The following SNX19 variants were observed in gnomAD, a reference collection of about 807,000 sequenced individuals.
SNX19 encodes the protein sorting nexin 19, also known as sorting nexin-19.
SNX19 carries 60 observed loss-of-function variants against 85.2 expected under a neutral mutation model. The ratio of observed to expected loss-of-function variants is 0.70; its 90% CI spans 0.57 to 0.87. The LOEUF (loss-of-function observed/expected upper bound fraction) is 0.87. Among genes scored for constraint, SNX19 ranks in the 40% least tolerant of loss-of-function variants. The pLI, the probability that SNX19 is intolerant of heterozygous loss-of-function variation, is 0.00. For missense variants in SNX19, 1,201 were observed against 1,217.8 expected (o/e 0.99, Z 0.21); for synonymous variants, 520 against 470.0 (o/e 1.11, Z -1.38).
At chr11:130,895,387 CA>C (rs1280348098) in intron 8 of SNX19, among the ~76,000 whole-genome samples, 1 of 152,184 alleles carries the variant, frequency 6.6e-6, no homozygotes, top group Non-Finnish European at 1.5e-5. Flanking sequence ...GGACTGCCTC[CA>C]GTAGAATGAC....
rs563266595 is a variant in SNX19 at position 130,872,425 on chromosome 11, G to A, written c.*5997C>T. On this transcript the variant is annotated 3_prime_UTR_variant, in exon 11 of 11. Transcript: ENST00000265909. Reference sequence around the variant, plus strand: ...TTCTGATGATTTTCACTTGTTTCACGCTTGACAATTAAAACATTCTTCTGG... The same window carrying A: ...TTCTGATGATTTTCACTTGTTTCACACTTGACAATTAAAACATTCTTCTGG... Among the ~76,000 whole-genome samples, 2 of 152,034 alleles carry A rather than the reference G, an allele frequency of 1.3e-5. No individual in the cohort carries two copies. Among genetic ancestry groups the A allele is most frequent in the South Asian group, 2.1e-4 (1 of 4,822 alleles).
chr11:130,871,104 CA>C lies in SNX19; in HGVS notation c.*7317del. On this transcript the variant is annotated 3_prime_UTR_variant, in exon 11 of 11. Coordinates refer to ENST00000265909, the MANE Select transcript of SNX19 (RefSeq NM_014758.3). ...TACCACGTGGAAGGAAGGACATGAA[CA>C]AAAAAATGAAAGCAGGAAGGAACAT... Among the ~76,000 whole-genome samples, 1 of 151,846 alleles carries C rather than the reference CA, an allele frequency of 6.6e-6. No individual in the cohort carries two copies. Among genetic ancestry groups the C allele is most frequent in the East Asian group, 1.9e-4 (1 of 5,156 alleles).
At chr11:130,880,973 G>A in intron 8 of SNX19, 167 bp from the exon 9 acceptor site, 1 of 470,744 alleles carries the variant, frequency 2.1e-6, no homozygotes, top group African/African-American at 1.9e-5. Flanking sequence ...AGGTCATGGG[G>A]GCAAAGGTAA....
chr11:130,887,396 A>G (rs539735831), intron 8 of SNX19, among the ~76,000 whole-genome samples: 58 of 152,250 alleles, frequency 3.8e-4, no homozygotes, highest in Non-Finnish European at 7.5e-4. Flanking sequence ...ATACAACTTG[A>G]GAGTTGGAAG....
Position 130,911,840 on chromosome 11 carries a change from A to G in SNX19, c.1675-69T>C. 3 of 1,520,144 alleles carry G rather than the reference A, an allele frequency of 2.0e-6. No homozygotes were observed. In the Admixed American group the frequency reaches 5.1e-5, roughly 26 times the overall value. The allele number at this position is 1,520,144 out of a possible 1,614,324, so 94.2% of individuals were successfully genotyped here. A position where few individuals can be genotyped will look rare whatever the true frequency, so the allele number is the denominator to read the frequency against. ...GCAATCTTCTATTCTGGCTTTACTG[A>G]CTACTTGGTCAATGGCCACATAGCA... On this transcript the variant is annotated intron_variant, in intron 1 of 10. Transcript: ENST00000265909.
intron 8 of SNX19, among the ~76,000 whole-genome samples, chr11:130,886,453 C>A (rs775857598): frequency 2.0e-5 from 3 of 152,002 alleles, no homozygotes; most frequent in Non-Finnish European, 4.4e-5. Flanking sequence ...TTAGGAGTTC[C>A]GAGAGAAAGT....
In SNX19 at chr11:130,914,447, AG is replaced by A. The variant is rs1946377982; in HGVS notation, c.1492del (p.Leu498CysfsTer24). On this transcript the variant is annotated frameshift_variant, in exon 1 of 11. Coordinates refer to ENST00000265909, the MANE Select transcript of SNX19 (RefSeq NM_014758.3). LOFTEE classifies it high-confidence loss of function. ...AGAGGAGGAAAGCAGAACTGGTGGC[AG>A]AGTAGGATCAAGGGAGCTCACATCA... ...TNDVSSLDPT[L>X]PPVLLSSSPP... 1 of 1,613,902 alleles carries A rather than the reference AG, an allele frequency of 6.2e-7. No homozygotes were observed. Among genetic ancestry groups the A allele is most frequent in the Non-Finnish European group, 8.5e-7 (1 of 1,179,824 alleles).
In SNX19 at chr11:130,873,568, A is replaced by C. The variant is rs1038812524; in HGVS notation, c.*4854T>G. Among the ~76,000 whole-genome samples, 1 of 152,190 alleles carries C rather than the reference A, an allele frequency of 6.6e-6. No individual in the cohort carries two copies. Among genetic ancestry groups the C allele is most frequent in the African/African-American group, 2.4e-5 (1 of 41,452 alleles). ...GTAAGACATAACCACTCTGTGCCTC[A>C]TGTTCCCCACCTAGAAAATGGGGAT... On this transcript the variant is annotated 3_prime_UTR_variant, in exon 11 of 11. Transcript: ENST00000265909.
rs11822639 is a variant in SNX19, at chr11:130,895,149, G to A, written c.2573+8106C>T. ...TGGGAGGCCCAGGTTGTGGAGGGGC[G>A]CTGCACTCTTTGGAAAGGAGAGAGC... On this transcript the variant is annotated intron_variant, in intron 8 of 10. Transcript: ENST00000265909. 2.3e-4 allele frequency: 229 copies of A among 985,422 alleles called. No individual in the cohort carries two copies. In the African/African-American group the frequency reaches 2.8e-3, roughly 12 times the overall value. The allele number at this position is 985,422 out of a possible 1,614,324, so 61.0% of individuals were successfully genotyped here.
At chr11:130,884,537 A>AAC (rs148153318) in intron 8 of SNX19, among the ~76,000 whole-genome samples, 5 of 152,054 alleles carry the variant, frequency 3.3e-5, no homozygotes, top group Non-Finnish European at 7.4e-5. Flanking sequence ...CTTCAAGGTC[A>AAC]ACACACACAC....
rs1435614617 is a variant in SNX19 at position 130,915,139 on chromosome 11, G to C, written c.801C>G (p.Ile267Met). ...GTGCTGGATCTCTGGCCTTGGAAAAGATACCCACGAGTACAAGGTGGATCC... is the reference window on the plus strand; with the variant it reads ...GTGCTGGATCTCTGGCCTTGGAAAACATACCCACGAGTACAAGGTGGATCC... ...PDWIHLVLVG[I>M]FSKARDPAPC... Residue 267 changes from isoleucine (I) to methionine (M), a missense_variant, in exon 1 of 11, where the codon ATC becomes ATG. Transcript: ENST00000265909. 1 of 1,613,800 alleles carries C rather than the reference G, an allele frequency of 6.2e-7. No homozygotes were observed. Among genetic ancestry groups the C allele is most frequent in the Non-Finnish European group, 8.5e-7 (1 of 1,179,888 alleles).
At chr11:130,878,575 A>T in intron 10 of SNX19, 21 bp from the exon 11 acceptor site, 4 of 1,610,864 alleles carry the variant, frequency 2.5e-6, no homozygotes, top group Non-Finnish European at 3.4e-6. Context: ...TGGACAAAAA[A>T]CTTAGGGTCT....
Position 130,914,235 on chromosome 11 carries a change from G to A in SNX19, c.1674+31C>T, listed in dbSNP as rs373486201. On this transcript the variant is annotated intron_variant, in intron 1 of 10. Coordinates refer to ENST00000265909, the MANE Select transcript of SNX19 (RefSeq NM_014758.3). ...TGCTTTCCAAACCCACTCCTAGCCC[G>A]GGTGAGCACCCACAGCTTTAATCCT... The A allele has an allele frequency of 6.6e-6, 10 of 1,506,418 alleles. No individual in the cohort carries two copies. The African/African-American group carries it at 8.4e-5, about 13-fold the overall frequency. 93.3% of individuals were successfully genotyped at this position (1,506,418 alleles called of 1,614,324 possible).
chr11:130,903,328 C>G lies in SNX19; in HGVS notation c.2500G>C (p.Glu834Gln), dbSNP rs79138684. Residue 834 changes from glutamate (E) to glutamine (Q), a missense_variant, in exon 8 of 11, where the codon GAA becomes CAA. Physicochemically the swap from Glu to Gln is conservative, Grantham distance 29 (BLOSUM62 2). Coordinates refer to ENST00000265909, the MANE Select transcript of SNX19 (RefSeq NM_014758.3). ...ALDLLLLLLT[E>Q]QWKWLCTENM... ...TCGGTACATAGCCATTTCCACTGTTCTGTTAGTAGCAAGAGGAGCAGATCC... is the reference window on the plus strand; with the variant it reads ...TCGGTACATAGCCATTTCCACTGTTGTGTTAGTAGCAAGAGGAGCAGATCC... The G allele has an allele frequency of 0.011, 17,258 of 1,613,640 alleles. 116 individuals carry two copies. The highest frequency in any genetic ancestry group is 0.013 in the Non-Finnish European group (15,461 of 1,179,884).
At chr11:130,884,673 C>G (rs1328886219) in intron 8 of SNX19, among the ~76,000 whole-genome samples, 1 of 151,960 alleles carries the variant, frequency 6.6e-6, no homozygotes, top group African/African-American at 2.4e-5. Context: ...TTTAGACCAG[C>G]CTGGCCAACA....
At chr11:130,903,172 G>C in intron 8 of SNX19, 83 bp downstream of exon 8, 1 of 1,571,572 alleles carries the variant, frequency 6.4e-7, no homozygotes. Context: ...TACGGCTGCA[G>C]ATTCCCTGGA....
At chr11:130,879,127 A>G (rs1943466355) in intron 10 of SNX19, among the ~76,000 whole-genome samples, 2 of 152,174 alleles carry the variant, frequency 1.3e-5, no homozygotes. Context: ...CAACCTTACT[A>G]TCTTGTCTAC....
rs1230209803 is a variant in SNX19 at position 130,871,119 on chromosome 11, A to T, written c.*7303T>A. Among the ~76,000 whole-genome samples, 1 of 152,156 alleles carries T rather than the reference A, an allele frequency of 6.6e-6. No homozygotes were observed. The highest frequency in any genetic ancestry group is 1.5e-5 in the Non-Finnish European group (1 of 68,042). ...AGGACATGAACAAAAAAATGAAAGC[A>T]GGAAGGAACATGCTGGTTTGGGCAG... is the stretch of plus-strand genomic sequence containing the variant. On this transcript the variant is annotated 3_prime_UTR_variant, in exon 11 of 11. Coordinates refer to ENST00000265909, the MANE Select transcript of SNX19 (RefSeq NM_014758.3).
At chr11:130,886,345 A>G (rs1944065943) in intron 8 of SNX19, among the ~76,000 whole-genome samples, 1 of 152,278 alleles carries the variant, frequency 6.6e-6, no homozygotes, top group Middle Eastern at 3.4e-3. Flanking sequence ...GCCTGTGCCT[A>G]TGTGCATGCT....
Sources: gnomAD v4.1 joint callset for allele counts (sites outside exome capture counted in the v4.1 genomes callset) on GRCh38, gnomAD v4.1.1 for gene constraint, MANE v1.5 for transcripts, NCBI Gene and HGNC (gene_info 2026-07-23, HGNC 2026-07-21) for gene names.